The following GPR89B variants were observed in gnomAD, a reference collection of about 807,000 sequenced individuals.
GPR89B encodes golgi pH regulator B, also known as G protein-coupled receptor 89B.
In GPR89B, 25 loss-of-function variants were observed where a neutral mutation model predicts 52.4. The ratio of observed to expected loss-of-function variants is 0.48; its 90% CI spans 0.35 to 0.67. The LOEUF (loss-of-function observed/expected upper bound fraction) is 0.67, where lower values mean the gene tolerates loss of function less well. Among genes scored for constraint, GPR89B ranks in the 30% least tolerant of loss-of-function variants. GPR89B has a pLI of 0.01. For missense variants in GPR89B, 146 were observed against 450.2 expected, an observed-to-expected ratio of 0.32 and a Z score of 6.11; for synonymous variants, 52 against 151.2, an observed-to-expected ratio of 0.34 and a Z score of 4.81.
At chr1:148,004,542 G>C in the GPR89B span, among the ~76,000 whole-genome samples, 3 of 126,450 alleles carry the variant, frequency 2.4e-5, no homozygotes, top group Non-Finnish European at 5.0e-5. Flanking sequence ...GCCCAAGTAG[G>C]AGCTGGAATT....
At chr1:147,980,051 A>C (rs1658124257) in intron 10 of GPR89B, among the ~76,000 whole-genome samples, 1 of 150,660 alleles carries the variant, frequency 6.6e-6, no homozygotes, top group Non-Finnish European at 1.5e-5. Flanking sequence ...ACGCCGCTGC[A>C]CTCCAGCTTG....
At chr1:148,001,994 G>C in the GPR89B span, among the ~76,000 whole-genome samples, 1 of 150,362 alleles carries the variant, frequency 6.7e-6, no homozygotes, top group African/African-American at 2.5e-5. Flanking sequence ...GTATATACAT[G>C]CCTCCAGGTG....
intron 3 of GPR89B, among the ~76,000 whole-genome samples, chr1:147,942,710 CATATTGGTGGTTTCCTAGAAACAGAAAGT>C (rs1261128279): frequency 1.1e-4 from 11 of 100,098 alleles, no homozygotes; most frequent in Non-Finnish European, 2.0e-5. Context: ...CAAAAGATTA[CATATTGGTGGTTTCCTAGAAACAGAAAGT>C]ATATTGGTGG....
intron 12 of GPR89B, among the ~76,000 whole-genome samples, chr1:147,990,651 T>G (rs1658996537): frequency 1.3e-5 from 2 of 152,192 alleles, no homozygotes; most frequent in African/African-American, 4.8e-5. Context: ...GGATCCAGTT[T>G]CAGCTTTCTA....
chr1:147,950,058 G>A (rs1169855457), intron 5 of GPR89B, among the ~76,000 whole-genome samples: 5 of 148,060 alleles, frequency 3.4e-5, no homozygotes, highest in African/African-American at 7.6e-5. Context: ...CGGGGCGGCT[G>A]GCCGTGCGGG....
At chr1:148,023,177 G>A in the GPR89B span, among the ~76,000 whole-genome samples, 6 of 148,994 alleles carry the variant, frequency 4.0e-5, no homozygotes, top group Admixed American at 4.0e-4. Flanking sequence ...CCATTCCTAA[G>A]TGAGAACATT....
At chr1:147,932,607 GC>G (rs1268475157) in intron 1 of GPR89B, among the ~76,000 whole-genome samples, 43 of 152,188 alleles carry the variant, frequency 2.8e-4, no homozygotes, top group African/African-American at 9.4e-4. Context: ...AGATAACCAT[GC>G]CTCGTACTTA....
At chr1:147,930,184 A>C (rs1416143712) in intron 1 of GPR89B, among the ~76,000 whole-genome samples, 1 of 152,194 alleles carries the variant, frequency 6.6e-6, no homozygotes, top group Non-Finnish European at 1.5e-5. Flanking sequence ...TGCAGTAATT[A>C]ATTGTTAAAC....
At chr1:148,015,177 C>T in the GPR89B span, among the ~76,000 whole-genome samples, 2 of 148,852 alleles carry the variant, frequency 1.3e-5, no homozygotes, top group Non-Finnish European at 1.5e-5. Context: ...TGGCAACTTT[C>T]TTCTACCCAG....
the GPR89B span, among the ~76,000 whole-genome samples, chr1:148,007,978 C>T: frequency 6.6e-6 from 1 of 151,968 alleles, no homozygotes; most frequent in Admixed American, 6.6e-5. Context: ...TTACACTACT[C>T]ATAATGGTTC....
intron 5 of GPR89B, among the ~76,000 whole-genome samples, chr1:147,947,133 G>C (rs1655040922): frequency 6.6e-6 from 1 of 152,028 alleles, no homozygotes; most frequent in Non-Finnish European, 1.5e-5. Flanking sequence ...CCAGGAGTTA[G>C]AGACCAGCCT....
intron 13 of GPR89B, 68 bp from the exon 14 acceptor site, chr1:147,992,643 A>G: frequency 2.5e-6 from 4 of 1,593,104 alleles, no homozygotes; most frequent in Non-Finnish European, 3.4e-6. Flanking sequence ...AAGAATTTTA[A>G]TAATTTCCTT....
intron 5 of GPR89B, among the ~76,000 whole-genome samples, chr1:147,950,604 T>C (rs1189343756): frequency 3.9e-5 from 6 of 152,182 alleles, no homozygotes; most frequent in Admixed American, 2.0e-4. Flanking sequence ...GAGGTTGTAG[T>C]GAGCCGAGAT....
chr1:148,018,752 C>T, the GPR89B span, among the ~76,000 whole-genome samples: 7 of 151,628 alleles, frequency 4.6e-5, no homozygotes, highest in Admixed American at 6.6e-5. Context: ...CCACAACCTC[C>T]GCCTCCCAGG....
intron 1 of GPR89B, among the ~76,000 whole-genome samples, chr1:147,935,037 G>A (rs1653962056): frequency 1.3e-5 from 2 of 151,830 alleles, no homozygotes; most frequent in South Asian, 4.2e-4. Flanking sequence ...ATAATCTAAT[G>A]TCAAAAAATA....
Position 147,968,950 on chromosome 1 carries a change from T to A in GPR89B, c.803T>A (p.Leu268Gln). The change falls in exon 9 of 14, where the codon CTA becomes CAA. Residue 268 changes from leucine (L) to glutamine (Q), a missense_variant. Coordinates refer to ENST00000314163, the MANE Select transcript of GPR89B (RefSeq NM_016334.5). ...SRQLFLETAD[L>Q]YATKERIEYS... ...CAGCTTTTTCTGGAAACAGCTGATC[T>A]ATATGCTACCAAGGTACAGAGCAAG... The A allele has an allele frequency of 6.2e-7, 1 of 1,606,794 alleles. No homozygotes were observed. Among genetic ancestry groups the A allele is most frequent in the African/African-American group, 1.4e-5 (1 of 73,892 alleles).
the GPR89B span, among the ~76,000 whole-genome samples, chr1:148,021,038 TG>T: frequency 5.9e-5 from 9 of 151,858 alleles, 1 homozygote; most frequent in African/African-American, 2.2e-4. Context: ...AAGCAGCCAG[TG>T]GGTCTGCTTG....
intron 2 of GPR89B, among the ~76,000 whole-genome samples, chr1:147,938,223 CA>C (rs1558034194): frequency 6.6e-6 from 1 of 152,132 alleles, no homozygotes; most frequent in Non-Finnish European, 1.5e-5. Flanking sequence ...TTATAGTCTA[CA>C]TTTGGGTCAT....
the GPR89B span, among the ~76,000 whole-genome samples, chr1:148,003,160 T>G: frequency 6.6e-6 from 1 of 152,124 alleles, no homozygotes; most frequent in Non-Finnish European, 1.5e-5. Context: ...AAATTAATAT[T>G]TGATAAATTA....
Sources: allele counts gnomAD v4.1 joint callset (sites outside exome capture counted in the v4.1 genomes callset), GRCh38; gene constraint gnomAD v4.1.1; transcripts MANE v1.5; gene names NCBI Gene and HGNC (gene_info 2026-07-23, HGNC 2026-07-21).